SRD5A1: variants seen among roughly 807,000 people sequenced by gnomAD.
The protein encoded by SRD5A1 is 3-oxo-5-alpha-steroid 4-dehydrogenase 1.
SRD5A1 carries 22 observed loss-of-function variants against 28.2 expected under a neutral mutation model. That is an observed-to-expected ratio of 0.78 (90% confidence interval 0.56 to 1.12). The LOEUF is 1.12. SRD5A1 is among the 50% of genes most tolerant of loss of function. The pLI is 0.00. For missense variants in SRD5A1, 300 were observed against 346.7 expected (o/e 0.87, Z 1.07); for synonymous variants, 151 against 135.0 (o/e 1.12, Z -0.82).
chr5:6,650,640 CT>C (rs934184808), intron 1 of SRD5A1, among the ~76,000 whole-genome samples: 305 of 139,422 alleles, frequency 2.2e-3, no homozygotes, highest in East Asian at 0.011. Flanking sequence ...CGTGATCTTT[CT>C]TTTTTTTTTT....
At chr5:6,658,196 G>T (rs553871179) in intron 3 of SRD5A1, among the ~76,000 whole-genome samples, 44 of 152,164 alleles carry the variant, frequency 2.9e-4, no homozygotes, top group Admixed American at 4.6e-4. Context: ...GTGGTGGCAC[G>T]TGCCTGTAAT....
rs1482856571 is a variant in SRD5A1, at chr5:6,656,061, C to T, written c.461-17C>T. On this transcript the variant is annotated splice_polypyrimidine_tract_variant and intron_variant, in intron 2 of 4. Coordinates refer to ENST00000274192, the MANE Select transcript of SRD5A1 (RefSeq NM_001047.4). ...CGGTTTATTAGCCATAATCATCTTGCAATTTTTTTCCTTTAGGTTTTGGCT... is the reference window on the plus strand; with the variant it reads ...CGGTTTATTAGCCATAATCATCTTGTAATTTTTTTCCTTTAGGTTTTGGCT... 1.9e-6 allele frequency: 3 copies of T among 1,605,174 alleles called. No individual in the cohort carries two copies. Among genetic ancestry groups the T allele is most frequent in the African/African-American group, 2.7e-5 (2 of 74,736 alleles).
At chr5:6,660,213 G>A (rs1738962036) in intron 3 of SRD5A1, among the ~76,000 whole-genome samples, 1 of 152,240 alleles carries the variant, frequency 6.6e-6, no homozygotes, top group Non-Finnish European at 1.5e-5. Context: ...TAAGCAGCCT[G>A]TGTCTCAAGA....
intron 1 of SRD5A1, among the ~76,000 whole-genome samples, chr5:6,636,232 A>G (rs960602618): frequency 2.0e-5 from 3 of 152,224 alleles, no homozygotes; most frequent in African/African-American, 7.2e-5. Flanking sequence ...GAGCACTTGG[A>G]AGAGAACCAG....
At position 6,633,841 on chromosome 5, in the gene SRD5A1, G is replaced by T; in HGVS notation, c.265G>T (p.Ala89Ser). The change falls in exon 1 of 5, where the codon GCC becomes TCC. Residue 89 changes from alanine (A) to serine (S), a missense_variant. Transcript: ENST00000274192. ...CAGCGCGCCCAACTGCATCCTCCTG[G>T]CCATGTTCCTCGTCCACTACGGGCA... is the stretch of plus-strand genomic sequence containing the variant. ...LRSAPNCILL[A>S]MFLVHYGHRC... 1 of 1,597,536 alleles carries T rather than the reference G, an allele frequency of 6.3e-7. No homozygotes were observed. Among genetic ancestry groups the T allele is most frequent in the Non-Finnish European group, 8.5e-7 (1 of 1,179,542 alleles).
chr5:6,662,968 T>G lies in SRD5A1; in HGVS notation c.713+2T>G. ...TGGTAGAGCAAAAGAGCATCATGAG[T>G]AAGTTTTAAAACACTTTTACCATTT... On this transcript the variant is annotated splice_donor_variant, in intron 4 of 4. Transcript: ENST00000274192. LOFTEE classifies it high-confidence loss of function. 6.2e-7 allele frequency: 1 copy of G among 1,614,032 alleles called. No homozygotes were observed. Among genetic ancestry groups the G allele is most frequent in the Non-Finnish European group, 8.5e-7 (1 of 1,179,960 alleles).
intron 3 of SRD5A1, among the ~76,000 whole-genome samples, chr5:6,657,809 C>G (rs1336910872): frequency 1.3e-5 from 2 of 152,078 alleles, no homozygotes; most frequent in African/African-American, 4.8e-5. Flanking sequence ...AGTTGAGATG[C>G]CACAAAAACT....
At chr5:6,655,357 C>T (rs1415393499) in intron 2 of SRD5A1, among the ~76,000 whole-genome samples, 1 of 152,198 alleles carries the variant, frequency 6.6e-6, no homozygotes, top group Non-Finnish European at 1.5e-5. Context: ...TAACAACTCT[C>T]CTTTAAGTGA....
chr5:6,651,283 GT>G (rs1738664469), intron 1 of SRD5A1, among the ~76,000 whole-genome samples: 1 of 152,182 alleles, frequency 6.6e-6, no homozygotes, highest in Admixed American at 6.5e-5. Context: ...AGTGTATTCT[GT>G]TTTATATTGC....
chr5:6,638,833 T>A (rs566202), intron 1 of SRD5A1, among the ~76,000 whole-genome samples: 1 of 152,008 alleles, frequency 6.6e-6, no homozygotes, highest in Non-Finnish European at 1.5e-5. Context: ...AAAGGCTAGG[T>A]GAAAGGAACA....
intron 3 of SRD5A1, among the ~76,000 whole-genome samples, chr5:6,662,122 C>A (rs1187798626): frequency 6.6e-6 from 1 of 152,170 alleles, no homozygotes; most frequent in Non-Finnish European, 1.5e-5. Context: ...GCCTGGAGCA[C>A]TCCTGAGAGC....
rs768267655 is a variant in SRD5A1 at position 6,633,657 on chromosome 5, C to G, written c.81C>G (p.Val27=). The change falls in exon 1 of 5, where the codon GTC becomes GTG. Residue 27 remains valine (V), a synonymous_variant. Transcript: ENST00000274192. ...TGCAGTGCGCCGTGGGCTGCGCGGT[C>G]TTCGCGCGCAATCGTCAGACGAACT... ...AYLQCAVGCA[V]FARNRQTNSV... 63 of 1,574,108 alleles carry G rather than the reference C, an allele frequency of 4.0e-5. No homozygotes were observed. In the African/African-American group the frequency reaches 7.3e-4, roughly 18 times the overall value.
At chr5:6,661,904 CA>C (rs1307268510) in intron 3 of SRD5A1, among the ~76,000 whole-genome samples, 3 of 152,106 alleles carry the variant, frequency 2.0e-5, no homozygotes, top group Non-Finnish European at 4.4e-5. Context: ...ACATAGTGTC[CA>C]GTTGGAACCT....
chr5:6,645,721 T>C (rs996965069), intron 1 of SRD5A1, among the ~76,000 whole-genome samples: 10 of 151,954 alleles, frequency 6.6e-5, no homozygotes, highest in African/African-American at 2.4e-4. Flanking sequence ...AATCAAGAGG[T>C]AGAACAGCTG....
In SRD5A1 at chr5:6,662,849, A is replaced by G. The variant is rs763896001; in HGVS notation, c.596A>G (p.Tyr199Cys). 3.1e-6 allele frequency: 5 copies of G among 1,612,804 alleles called. No individual in the cohort carries two copies. The highest frequency in any genetic ancestry group is 1.1e-5 in the South Asian group (1 of 91,036). Residue 199 changes from tyrosine to cysteine, a missense_variant, in exon 4 of 5, where the codon TAT (tyrosine) becomes TGT (cysteine). Around this residue, in one of 2 missense-constraint regions of SRD5A1, gnomAD observed 126 missense variants for 185.7 expected, o/e 0.68. Transcript: ENST00000274192. ...TTTGAATACGTAACTGCAGCCAACT[A>G]TTTTGGAGAAATCATGGAGTGGTGT... is the stretch of plus-strand genomic sequence containing the variant. ...GLFEYVTAAN[Y>C]FGEIMEWCGY...
chr5:6,633,547 G>A lies in SRD5A1; in HGVS notation c.-30G>A, dbSNP rs1366297244. ...TATATGTTGCCCGCCGCGGCCTCTG[G>A]GGCATGGAGCACGCTGCCCAGCCCT... On this transcript the variant is annotated 5_prime_UTR_variant, in exon 1 of 5. Transcript: ENST00000274192. The A allele has an allele frequency of 6.8e-7, 1 of 1,468,188 alleles. No homozygotes were observed. The allele number at this position is 1,468,188 out of a possible 1,614,324, so 90.9% of individuals were successfully genotyped here.
Position 6,662,811 on chromosome 5 carries a change from T to G in SRD5A1, c.563-5T>G, listed in dbSNP as rs770210259. The G allele has an allele frequency of 6.2e-7, 1 of 1,612,056 alleles. No homozygotes were observed. Among genetic ancestry groups the G allele is most frequent in the South Asian group, 1.1e-5 (1 of 90,964 alleles). ...TGCACTACTTTGGTCTGTGTTTTCT[T>G]CTAGGAGGCTTATTTGAATACGTAA... On this transcript the variant is annotated splice_region_variant and splice_polypyrimidine_tract_variant and intron_variant, in intron 3 of 4. Transcript: ENST00000274192.
chr5:6,641,577 G>A (rs1248818555), intron 1 of SRD5A1, among the ~76,000 whole-genome samples: 1 of 152,200 alleles, frequency 6.6e-6, no homozygotes, highest in African/African-American at 2.4e-5. Flanking sequence ...GACTTCAGCG[G>A]TTTTATGACA....
chr5:6,643,023 A>G (rs1294431487), intron 1 of SRD5A1, among the ~76,000 whole-genome samples: 1 of 130,266 alleles, frequency 7.7e-6, no homozygotes, highest in African/African-American at 3.1e-5. Flanking sequence ...CAAGTTTGTA[A>G]GTTTGTAATT....
Sources: gnomAD v4.1 joint callset for allele counts (sites outside exome capture counted in the v4.1 genomes callset) on GRCh38, gnomAD v4.1.1 for gene constraint, gnomAD v4.1.1 regional missense constraint, MANE v1.5 for transcripts, NCBI Gene and HGNC (gene_info 2026-07-23, HGNC 2026-07-21) for gene names.